The following ARHGAP15 variants were observed in gnomAD, a reference collection of about 807,000 sequenced individuals.
ARHGAP15 encodes rho GTPase-activating protein 15.
Under a neutral mutation model 63.7 loss-of-function variants are expected in ARHGAP15, and 51 were observed. The ratio of observed to expected loss-of-function variants is 0.80; its 90% CI spans 0.64 to 1.01. ARHGAP15 has a LOEUF of 1.01. Among genes scored for constraint, ARHGAP15 ranks in the 50% least tolerant of loss-of-function variants. The pLI, the probability that ARHGAP15 is intolerant of heterozygous loss-of-function variation, is 0.00. For missense variants in ARHGAP15, 560 were observed against 564.6 expected, an observed-to-expected ratio of 0.99 and a Z score of 0.08; for synonymous variants, 191 against 193.8, an observed-to-expected ratio of 0.99 and a Z score of 0.12.
chr2:143,289,422 G>T (rs1388875706), intron 6 of ARHGAP15, among the ~76,000 whole-genome samples: 2 of 152,164 alleles, frequency 1.3e-5, no homozygotes, highest in Non-Finnish European at 2.9e-5. Context: ...GGATGTAAAA[G>T]GTTTAGGAGT....
chr2:143,379,487 ATGTGTGTGTGTGTGTGTGTG>A (rs58976215), intron 6 of ARHGAP15, among the ~76,000 whole-genome samples: 5 of 129,762 alleles, frequency 3.9e-5, no homozygotes, highest in Non-Finnish European at 6.5e-5. Flanking sequence ...AGGCATATAT[ATGTGTGTGTGTGTGTGTGTG>A]TGTGTGTGTG....
rs369049951 is a variant in ARHGAP15 at position 143,181,451 on chromosome 2, A to C, written c.166-20683A>C. On this transcript the variant is annotated intron_variant, in intron 2 of 13. Transcript: ENST00000295095. ...TTTCATATAAAGGTATTTCATCTAC[A>C]TTGAAAATGTGTTGTTTAGTGTAGC... Among the ~76,000 whole-genome samples the C allele has an allele frequency of 3.4e-4, 52 of 152,350 alleles. No individual in the cohort carries two copies. The South Asian group carries it at 0.01, about 30-fold the overall frequency.
At chr2:143,428,662 C>A (rs1474421563) in intron 6 of ARHGAP15, among the ~76,000 whole-genome samples, 2 of 151,688 alleles carry the variant, frequency 1.3e-5, no homozygotes, top group Non-Finnish European at 2.9e-5. Context: ...CCTCGTGGGT[C>A]AAAAAGGTAT....
intron 9 of ARHGAP15, among the ~76,000 whole-genome samples, chr2:143,508,231 T>TTACACCAGCAGCTTTA (rs1228235042): frequency 2.0e-5 from 3 of 152,172 alleles, no homozygotes; most frequent in African/African-American, 7.2e-5. Flanking sequence ...GGAACCTGGC[T>TTACACCAGCAGCTTTA]TACACCAGCA....
intron 1 of ARHGAP15, among the ~76,000 whole-genome samples, chr2:143,141,367 A>G (rs549017893): frequency 6.6e-6 from 1 of 152,180 alleles, no homozygotes; most frequent in Non-Finnish European, 1.5e-5. Flanking sequence ...GCATGGGACC[A>G]AGTGTCTATA....
chr2:143,489,386 G>A (rs1692475261), intron 9 of ARHGAP15, among the ~76,000 whole-genome samples: 1 of 152,164 alleles, frequency 6.6e-6, no homozygotes, highest in African/African-American at 2.4e-5. Context: ...TAGGGCTATG[G>A]AAAATCTATG....
intron 13 of ARHGAP15, among the ~76,000 whole-genome samples, chr2:143,767,204 T>A (rs1430976408): frequency 6.6e-6 from 1 of 152,202 alleles, no homozygotes; most frequent in African/African-American, 2.4e-5. Context: ...TAGCATTACT[T>A]TTTTAATTAT....
intron 6 of ARHGAP15, chr2:143,351,017 G>C (rs1685545869): frequency 6.6e-6 from 1 of 151,542 alleles, no homozygotes; most frequent in African/African-American, 2.4e-5. Flanking sequence ...GGCTTATATA[G>C]TACCCAGAAG....
At chr2:143,562,693 A>G (rs1696081325) in intron 11 of ARHGAP15, among the ~76,000 whole-genome samples, 1 of 152,202 alleles carries the variant, frequency 6.6e-6, no homozygotes, top group African/African-American at 2.4e-5. Flanking sequence ...GGGCTTTGGA[A>G]ACTTTCTTAG....
chr2:143,748,364 A>G (rs1014468012), intron 13 of ARHGAP15, among the ~76,000 whole-genome samples: 6 of 152,196 alleles, frequency 3.9e-5, no homozygotes, highest in Non-Finnish European at 7.3e-5. Flanking sequence ...TTTGATGTCA[A>G]ATAACATTGA....
At chr2:143,414,698 C>T (rs983650426) in intron 6 of ARHGAP15, among the ~76,000 whole-genome samples, 4 of 152,148 alleles carry the variant, frequency 2.6e-5, no homozygotes, top group African/African-American at 7.2e-5. Flanking sequence ...CTTTGGATGG[C>T]GAAGGCAGGT....
At chr2:143,219,422 T>C (rs1692897930) in intron 4 of ARHGAP15, among the ~76,000 whole-genome samples, 1 of 152,212 alleles carries the variant, frequency 6.6e-6, no homozygotes, top group Non-Finnish European at 1.5e-5. Flanking sequence ...CATCATTAAG[T>C]GAAGCATGAC....
At chr2:143,220,531 A>G (rs1413568258) in intron 4 of ARHGAP15, among the ~76,000 whole-genome samples, 2 of 152,180 alleles carry the variant, frequency 1.3e-5, no homozygotes, top group East Asian at 3.8e-4. Context: ...TTTTCTAAAG[A>G]CAAATGCTAA....
chr2:143,506,225 A>C (rs193149675), intron 9 of ARHGAP15, among the ~76,000 whole-genome samples: 60 of 152,246 alleles, frequency 3.9e-4, no homozygotes, highest in African/African-American at 1.3e-3. Flanking sequence ...GAATCTTTCA[A>C]CTCTTCTCAA....
intron 5 of ARHGAP15, among the ~76,000 whole-genome samples, chr2:143,248,961 G>C (rs989609394): frequency 6.6e-6 from 1 of 152,110 alleles, no homozygotes; most frequent in Non-Finnish European, 1.5e-5. Context: ...GATTATTTTC[G>C]TTGGTTCTGA....
At chr2:143,364,207 A>AC (rs1558921898) in intron 6 of ARHGAP15, among the ~76,000 whole-genome samples, 405 of 150,648 alleles carry the variant, frequency 2.7e-3, no homozygotes, top group African/African-American at 9.4e-3. Context: ...CAACAACAAA[A>AC]AAAAAAAAAA....
intron 6 of ARHGAP15, among the ~76,000 whole-genome samples, chr2:143,304,544 G>T (rs1339903775): frequency 6.6e-6 from 1 of 152,024 alleles, no homozygotes; most frequent in Non-Finnish European, 1.5e-5. Context: ...CATGCCACAT[G>T]TATACATATG....
intron 6 of ARHGAP15, among the ~76,000 whole-genome samples, chr2:143,261,825 GA>G (rs1259494250): frequency 6.6e-6 from 1 of 152,176 alleles, no homozygotes; most frequent in Non-Finnish European, 1.5e-5. Context: ...GAGTGAAACA[GA>G]AGGAAGAAAA....
intron 9 of ARHGAP15, chr2:143,518,989 C>A: frequency 1.4e-5 from 3 of 216,672 alleles, no homozygotes; most frequent in Non-Finnish European, 1.8e-5. Context: ...CTTTATAGAC[C>A]ACAAAATTAA....
Sources: gnomAD v4.1 joint callset for allele counts (sites outside exome capture counted in the v4.1 genomes callset) on GRCh38, gnomAD v4.1.1 for gene constraint, MANE v1.5 for transcripts, NCBI Gene and HGNC (gene_info 2026-07-23, HGNC 2026-07-21) for gene names.